The following ZCCHC7 variants were observed in gnomAD, a reference collection of about 807,000 sequenced individuals.
ZCCHC7 encodes the protein zinc finger CCHC-type containing 7.
In ZCCHC7, 35 loss-of-function variants were observed where a neutral mutation model predicts 52.0. The observed-to-expected ratio is 0.67, with a 90% CI of 0.51 to 0.89. The LOEUF (loss-of-function observed/expected upper bound fraction) is 0.89. Ranked by LOEUF, ZCCHC7 falls within the 40% of genes least tolerant of loss-of-function variation. The pLI, the probability that ZCCHC7 is intolerant of heterozygous loss-of-function variation, is 0.00. For synonymous variants in ZCCHC7, 217 were observed against 221.5 expected, an observed-to-expected ratio of 0.98 and a Z score of 0.18; for missense variants, 574 against 649.1, an observed-to-expected ratio of 0.88 and a Z score of 1.26.
Position 37,149,122 on chromosome 9 carries a change from G to A in ZCCHC7, c.610+22180G>A, listed in dbSNP as rs185718258. ...CTTTTGTGTAATTGATTACTTCTGT[G>A]GTCCCAATGTTAATTTCTGCTTATA... On this transcript the variant is annotated intron_variant, in intron 2 of 8. Coordinates refer to ENST00000336755, the MANE Select transcript of ZCCHC7 (RefSeq NM_032226.3). Among the ~76,000 whole-genome samples the A allele has an allele frequency of 1.2e-4, 19 of 152,152 alleles. No homozygotes were observed. The East Asian group carries it at 3.7e-3, about 29-fold the overall frequency.
chr9:37,335,850 G>A (rs1027627406), intron 6 of ZCCHC7, among the ~76,000 whole-genome samples: 1 of 152,050 alleles, frequency 6.6e-6, no homozygotes, highest in Non-Finnish European at 1.5e-5. Context: ...TATATAAAAT[G>A]TGTATCATAA....
chr9:37,349,153 G>T (rs555216646), intron 6 of ZCCHC7, among the ~76,000 whole-genome samples: 93 of 152,310 alleles, frequency 6.1e-4, no homozygotes, highest in African/African-American at 2.2e-3. Flanking sequence ...AGAAGGAGAG[G>T]GAAGCACACA....
intron 2 of ZCCHC7, among the ~76,000 whole-genome samples, chr9:37,177,027 T>G (rs904577530): frequency 5.3e-5 from 8 of 152,292 alleles, no homozygotes; most frequent in African/African-American, 1.2e-4. Context: ...GTTGAGAGCT[T>G]CTTTTTGTAC....
chr9:37,288,712 C>T (rs1468385992), intron 2 of ZCCHC7, among the ~76,000 whole-genome samples: 1 of 152,086 alleles, frequency 6.6e-6, no homozygotes, highest in Non-Finnish European at 1.5e-5. Context: ...TGGCATTTAC[C>T]ATAATCGATA....
At chr9:37,242,891 G>A (rs918552176) in intron 2 of ZCCHC7, among the ~76,000 whole-genome samples, 1 of 151,752 alleles carries the variant, frequency 6.6e-6, no homozygotes, top group Non-Finnish European at 1.5e-5. Flanking sequence ...CACCCTGAAT[G>A]GTTTTGTATT....
chr9:37,308,415 G>T (rs1829433257), intron 5 of ZCCHC7, among the ~76,000 whole-genome samples: 1 of 151,982 alleles, frequency 6.6e-6, no homozygotes, highest in Non-Finnish European at 1.5e-5. Context: ...TAAAGAAGGG[G>T]AGTAAGACAT....
intron 2 of ZCCHC7, among the ~76,000 whole-genome samples, chr9:37,137,733 T>G (rs981403585): frequency 5.9e-5 from 9 of 151,754 alleles, no homozygotes; most frequent in Non-Finnish European, 1.2e-4. Context: ...CTCCTCATAG[T>G]TATGTTCTTC....
In ZCCHC7 at chr9:37,163,534, G is replaced by A. The variant is rs373336589; in HGVS notation, c.610+36592G>A. ...TACGAACAGTCTTGATAATTTTGTCGTTCTGATATTTGTGCAGTGGGTGCA... is the reference window on the plus strand; with the variant it reads ...TACGAACAGTCTTGATAATTTTGTCATTCTGATATTTGTGCAGTGGGTGCA... On this transcript the variant is annotated intron_variant, in intron 2 of 8. Transcript: ENST00000336755. Among the ~76,000 whole-genome samples the A allele has an allele frequency of 7.2e-5, 11 of 152,198 alleles. No individual in the cohort carries two copies. The East Asian group carries it at 1.4e-3, about 19-fold the overall frequency.
chr9:37,147,793 A>G (rs1843499165), intron 2 of ZCCHC7, among the ~76,000 whole-genome samples: 1 of 152,052 alleles, frequency 6.6e-6, no homozygotes, highest in African/African-American at 2.4e-5. Flanking sequence ...CAGATCAAAC[A>G]TTTGTGGCTT....
intron 2 of ZCCHC7, among the ~76,000 whole-genome samples, chr9:37,142,247 T>C (rs1415360984): frequency 2.4e-4 from 36 of 151,782 alleles, no homozygotes; most frequent in Admixed American, 2.4e-3. Flanking sequence ...TGTTGATACA[T>C]AGGGAAAAGA....
Position 37,327,818 on chromosome 9 carries a change from G to A in ZCCHC7, c.971G>A (p.Arg324Lys). The change falls in exon 6 of 9, where the codon AGG (arginine) becomes AAG (lysine). Residue 324 changes from arginine (R) to lysine (K), a missense_variant. Transcript: ENST00000336755. ...HYTDACTEIW[R>K]QYHLTTKPGP... ...TTCCAGGCTTGCACAGAAATCTGGA[G>A]GCAGTATCACCTAACGGTGAGTAGA... 6.2e-7 allele frequency: 1 copy of A among 1,613,088 alleles called. No individual in the cohort carries two copies. The highest frequency in any genetic ancestry group is 8.5e-7 in the Non-Finnish European group (1 of 1,179,316).
chr9:37,355,376 T>C (rs546067133), intron 8 of ZCCHC7, among the ~76,000 whole-genome samples: 71 of 152,358 alleles, frequency 4.7e-4, no homozygotes, highest in Non-Finnish European at 7.1e-4. Flanking sequence ...TTTCTTGTTA[T>C]TCACTTCAAG....
At chr9:37,310,959 TAAAAAA>T (rs59663698) in intron 5 of ZCCHC7, among the ~76,000 whole-genome samples, 2 of 115,046 alleles carry the variant, frequency 1.7e-5, no homozygotes, top group African/African-American at 6.5e-5. Flanking sequence ...TCTCTCTTTT[TAAAAAA>T]AAAAAAAAAA....
chr9:37,200,818 T>C (rs929624973), intron 2 of ZCCHC7, among the ~76,000 whole-genome samples: 3 of 152,252 alleles, frequency 2.0e-5, no homozygotes, highest in Non-Finnish European at 4.4e-5. Flanking sequence ...ATGCTTATCT[T>C]TTCTTCCCTT....
Position 37,228,320 on chromosome 9 carries a change from C to G in ZCCHC7, c.611-73868C>G, listed in dbSNP as rs375753980. Among the ~76,000 whole-genome samples, 25 of 151,754 alleles carry G rather than the reference C, an allele frequency of 1.6e-4. No individual in the cohort carries two copies. The South Asian group carries it at 3.8e-3, about 23-fold the overall frequency. On this transcript the variant is annotated intron_variant, in intron 2 of 8. Coordinates refer to ENST00000336755, the MANE Select transcript of ZCCHC7 (RefSeq NM_032226.3). ...TGTGTAGATATTACATTATAAATTA[C>G]TTTATGCATTTGATTTTTCAAAATT...
intron 2 of ZCCHC7, among the ~76,000 whole-genome samples, chr9:37,263,555 C>A (rs1398195774): frequency 6.6e-6 from 1 of 152,080 alleles, no homozygotes; most frequent in Non-Finnish European, 1.5e-5. Flanking sequence ...ACTAATATTG[C>A]ATATCCTCTT....
Position 37,349,767 on chromosome 9 carries a change from A to T in ZCCHC7, c.1083+315A>T, listed in dbSNP as rs1821250719. On this transcript the variant is annotated intron_variant, in intron 7 of 8. Coordinates refer to ENST00000336755, the MANE Select transcript of ZCCHC7 (RefSeq NM_032226.3). ...AGTTCTTACAAACACAATTGCTTTG[A>T]CACCGCCATAGCATGATTTTAGATT... 2.6e-5 allele frequency among the ~76,000 whole-genome samples: 4 copies of T among 152,136 alleles called. No homozygotes were observed. In the South Asian group the frequency reaches 8.3e-4, roughly 32 times the overall value.
At chr9:37,300,321 G>C (rs1048911605) in intron 2 of ZCCHC7, among the ~76,000 whole-genome samples, 1 of 152,172 alleles carries the variant, frequency 6.6e-6, no homozygotes, top group African/African-American at 2.4e-5. Flanking sequence ...GAATTTTAAT[G>C]ATGAAAGACA....
chr9:37,338,890 C>T (rs1830803519), intron 6 of ZCCHC7, among the ~76,000 whole-genome samples: 1 of 152,004 alleles, frequency 6.6e-6, no homozygotes, highest in African/African-American at 2.4e-5. Flanking sequence ...TTCTACGTAG[C>T]ATGTGTGGCT....
Sources: gnomAD v4.1 joint callset for allele counts (sites outside exome capture counted in the v4.1 genomes callset) on GRCh38, gnomAD v4.1.1 for gene constraint, MANE v1.5 for transcripts, NCBI Gene and HGNC (gene_info 2026-07-23, HGNC 2026-07-21) for gene names.